TMEM64: variants seen among roughly 807,000 people sequenced by gnomAD.
TMEM64 encodes transmembrane protein 64.
Under a neutral mutation model 24.5 loss-of-function variants are expected in TMEM64, and 19 were observed. The ratio of observed to expected loss-of-function variants is 0.78; its 90% confidence interval spans 0.54 to 1.14. TMEM64 has a LOEUF of 1.14. Among genes scored for constraint, TMEM64 ranks in the 50% most tolerant of loss-of-function variants. The probability of loss-of-function intolerance (pLI) is 0.00; values close to 1 mark genes in which losing one functional copy is unlikely to be tolerated. For missense variants in TMEM64, 487 were observed against 493.0 expected (o/e 0.99, Z 0.12); for synonymous variants, 262 against 224.7 (o/e 1.17, Z -1.49).
At chr8:90,640,512 A>T (rs78124569) in intron 1 of TMEM64, among the ~76,000 whole-genome samples, 1,693 of 152,300 alleles carry the variant, frequency 0.011, 40 homozygotes, top group African/African-American at 0.039. Context: ...TTTACAAATA[A>T]GGAAAACTGA....
chr8:90,636,332 T>C (rs1378310588), intron 1 of TMEM64, among the ~76,000 whole-genome samples: 1 of 152,216 alleles, frequency 6.6e-6, no homozygotes, highest in Non-Finnish European at 1.5e-5. Context: ...CTCGGCTCAC[T>C]GCAACCTCCG....
In TMEM64 at chr8:90,646,057, C is replaced by T; in HGVS notation, c.-152G>A. ...GGCCCGTAGAAGGGCGCGGAGTCAG[C>T]GGAGGAGCGACGGCCAGGCGGGGAG... On this transcript the variant is annotated 5_prime_UTR_variant, in exon 1 of 3. Coordinates refer to ENST00000458549, the MANE Select transcript of TMEM64 (RefSeq NM_001008495.4). 1 of 266,134 alleles carries T rather than the reference C, an allele frequency of 3.8e-6. No individual in the cohort carries two copies. The allele number at this position is 266,134 out of a possible 1,614,324, so 16.5% of individuals were successfully genotyped here.
Position 90,622,059 on chromosome 8 carries a change from C to G in TMEM64, c.*3612G>C, listed in dbSNP as rs1034084833. The G allele has an allele frequency of 6.6e-6, 1 of 152,174 alleles. No homozygotes were observed. The highest frequency in any genetic ancestry group is 1.5e-5 in the Non-Finnish European group (1 of 68,026). 9.4% of individuals were successfully genotyped at this position (152,174 alleles called of 1,614,324 possible). A position where few individuals can be genotyped will look rare whatever the true frequency, so the allele number is the denominator to read the frequency against. ...GTGATTTGGATACCAATTATCAAGA[C>G]ATTTTACTGATTTCCCTTTAGAATG... On this transcript the variant is annotated 3_prime_UTR_variant, in exon 3 of 3. Coordinates refer to ENST00000458549, the MANE Select transcript of TMEM64 (RefSeq NM_001008495.4).
rs1165877091 is a variant in TMEM64 at position 90,625,708 on chromosome 8, G to A, written c.1106C>T (p.Thr369Ile). ...GATTCCACCTCCAGAAAATGTTAGG[G>A]TCCTCTTGTTGTAGAATGAAGAGCC... ...TSGSSFYNKR[T>I]LTFSGGGINV... Residue 369 changes from threonine (T) to isoleucine (I), a missense_variant, in exon 3 of 3, where the codon ACC (threonine) becomes ATC (isoleucine). Physicochemically the swap from Thr to Ile is moderately conservative, Grantham distance 89 (BLOSUM62 -1). Transcript: ENST00000458549. The A allele has an allele frequency of 7.4e-6, 12 of 1,613,600 alleles. No homozygotes were observed. The Admixed American group carries it at 2.0e-4, about 27-fold the overall frequency.
In TMEM64 at chr8:90,635,129, A is replaced by C. The variant is rs570936782; in HGVS notation, c.796-3422T>G. Among the ~76,000 whole-genome samples the C allele has an allele frequency of 8.5e-5, 13 of 152,312 alleles. No homozygotes were observed. The South Asian group carries it at 2.5e-3, about 29-fold the overall frequency. ...GATTTACACACTGACAAATACACAT[A>C]AACTACCTCAGAAACAGGCAGAATG... On this transcript the variant is annotated intron_variant, in intron 1 of 2. Transcript: ENST00000458549.
In TMEM64 at chr8:90,645,196, AC is replaced by A; in HGVS notation, c.709del (p.Val237Ter). ...SSEKLSAVIR[V>X]VEGGSGLKVV... Reference sequence around the variant, plus strand: ...TTTCAGGCCGCTTCCTCCCTCCACTACGCGAATAACCGCGCTCAGCTTCTCG... The same window carrying A: ...TTTCAGGCCGCTTCCTCCCTCCACTAGCGAATAACCGCGCTCAGCTTCTCG... On this transcript the variant is annotated frameshift_variant, in exon 1 of 3. Transcript: ENST00000458549. LOFTEE classifies it high-confidence loss of function. The surrounding 1 kb of genome is among the most constrained non-coding windows in gnomAD (Gnocchi z 4.2). 6.2e-7 allele frequency: 1 copy of A among 1,614,124 alleles called. No individual in the cohort carries two copies.
Position 90,625,525 on chromosome 8 carries a change from TAA to T in TMEM64, c.*144_*145del, listed in dbSNP as rs879893663. 4.0e-4 allele frequency: 213 copies of T among 529,088 alleles called. No homozygotes were observed. Among genetic ancestry groups the T allele is most frequent in the Middle Eastern group, 9.8e-4 (2 of 2,036 alleles). The allele number at this position is 529,088 out of a possible 1,614,324, so 32.8% of individuals were successfully genotyped here. A position where few individuals can be genotyped will look rare whatever the true frequency, so the allele number is the denominator to read the frequency against. ...CATACCCAGAAAATGATTCTTGCTT[TAA>T]AAAAAAAAAATTGTGCAATTTAAAA... On this transcript the variant is annotated 3_prime_UTR_variant, in exon 3 of 3. Transcript: ENST00000458549.
chr8:90,637,119 G>A (rs928107594), intron 1 of TMEM64, among the ~76,000 whole-genome samples: 1 of 151,916 alleles, frequency 6.6e-6, no homozygotes, highest in African/African-American at 2.4e-5. Context: ...CATCTGGGAG[G>A]GAAAAAAATG....
chr8:90,638,745 T>C (rs1809559507), intron 1 of TMEM64, among the ~76,000 whole-genome samples: 1 of 152,202 alleles, frequency 6.6e-6, no homozygotes. Flanking sequence ...ATAAACAAGT[T>C]GGAATGCAAT....
chr8:90,645,438 C>T lies in TMEM64; in HGVS notation c.468G>A (p.Ser156=), dbSNP rs766779156. The T allele has an allele frequency of 3.5e-5, 55 of 1,551,576 alleles. No homozygotes were observed. The highest frequency in any genetic ancestry group is 4.6e-5 in the Non-Finnish European group (53 of 1,147,024). Reference sequence around the variant, plus strand: ...CGACGAAGAGCAGGACCCCCAGCAGCGAGTCAAGGCTCTCCACCCACAGCA... The same window carrying T: ...CGACGAAGAGCAGGACCCCCAGCAGTGAGTCAAGGCTCTCCACCCACAGCA... ...HLLLWVESLD[S]LLGVLLFVVG... The change falls in exon 1 of 3, where the codon TCG becomes TCA. Residue 156 remains serine, a synonymous_variant. Transcript: ENST00000458549. This position sits in a 1 kb window ranked among gnomAD's most constrained non-coding sequence, Gnocchi z 4.2.
intron 1 of TMEM64, among the ~76,000 whole-genome samples, chr8:90,637,487 A>G (rs1188820253): frequency 2.0e-5 from 3 of 152,216 alleles, no homozygotes. Flanking sequence ...AATTTTGGCA[A>G]ATTATACCTT....
In TMEM64 at chr8:90,625,298, A is replaced by T. The variant is rs2130492795; in HGVS notation, c.*373T>A. On this transcript the variant is annotated 3_prime_UTR_variant, in exon 3 of 3. Coordinates refer to ENST00000458549, the MANE Select transcript of TMEM64 (RefSeq NM_001008495.4). Reference sequence around the variant, plus strand: ...AATTTAAAACTGCATACTTTTACTCATCTTTACAAGTAGGAAAGATGCATA... The same window carrying T: ...AATTTAAAACTGCATACTTTTACTCTTCTTTACAAGTAGGAAAGATGCATA... 6.2e-6 allele frequency: 1 copy of T among 160,060 alleles called. No homozygotes were observed. Among genetic ancestry groups the T allele is most frequent in the Non-Finnish European group, 1.4e-5 (1 of 73,344 alleles). The allele number at this position is 160,060 out of a possible 1,614,324, so 9.9% of individuals were successfully genotyped here.
chr8:90,644,669 C>T (rs1388995032), intron 1 of TMEM64, among the ~76,000 whole-genome samples: 1 of 152,208 alleles, frequency 6.6e-6, no homozygotes, highest in African/African-American at 2.4e-5. Context: ...AGCTCCTCCA[C>T]TGTTTACTGA....
At chr8:90,635,914 A>G (rs553173970) in intron 1 of TMEM64, among the ~76,000 whole-genome samples, 1 of 152,352 alleles carries the variant, frequency 6.6e-6, no homozygotes, top group Non-Finnish European at 1.5e-5. Flanking sequence ...AATAGAACAC[A>G]TAATTGACAT....
rs76506854 is a variant in TMEM64, at chr8:90,630,144, C to G, written c.951+1408G>C. Among the ~76,000 whole-genome samples the G allele has an allele frequency of 7.4e-3, 1,126 of 152,112 alleles. 10 individuals are homozygous for G. Among genetic ancestry groups the G allele is most frequent in the African/African-American group, 0.026 (1,066 of 41,472 alleles). ...ATCTGTGGGGTATTGGTTCCTGGAG[C>G]CCCCCAGATTTCAAAATCTGTGTAT... is the stretch of plus-strand genomic sequence containing the variant. On this transcript the variant is annotated intron_variant, in intron 2 of 2. Transcript: ENST00000458549.
chr8:90,645,432 C>T lies in TMEM64; in HGVS notation c.474G>A (p.Leu158=), dbSNP rs1809676534. The change falls in exon 1 of 3, where the codon CTG becomes CTA. Residue 158 remains leucine, a synonymous_variant. Transcript: ENST00000458549. This position sits in a 1 kb window ranked among gnomAD's most constrained non-coding sequence, Gnocchi z 4.2. ...AGCCCACGACGAAGAGCAGGACCCCCAGCAGCGAGTCAAGGCTCTCCACCC... is the reference window on the plus strand; with the variant it reads ...AGCCCACGACGAAGAGCAGGACCCCTAGCAGCGAGTCAAGGCTCTCCACCC... ...LLWVESLDSL[L]GVLLFVVGFI... is the part of the protein sequence containing the mutation. 1.3e-6 allele frequency: 2 copies of T among 1,551,530 alleles called. No homozygotes were observed.
intron 1 of TMEM64, among the ~76,000 whole-genome samples, chr8:90,640,776 T>A (rs572352621): frequency 1.3e-5 from 2 of 152,298 alleles, no homozygotes; most frequent in South Asian, 2.1e-4. Flanking sequence ...TATGATGACA[T>A]CTTTCACTAT....
intron 2 of TMEM64, among the ~76,000 whole-genome samples, chr8:90,627,888 C>T (rs181277463): frequency 3.3e-5 from 5 of 151,818 alleles, no homozygotes; most frequent in African/African-American, 4.8e-5. Context: ...AGACTACTAA[C>T]AGGTCAAGCT....
Position 90,631,549 on chromosome 8 carries a change from C to G in TMEM64, c.951+3G>C, listed in dbSNP as rs746006520. ...AAGAGACAACCCTTGGCCTTAAACT[C>G]ACCTGTAAACAAAAAACAAAATATC... On this transcript the variant is annotated splice_donor_region_variant and intron_variant, in intron 2 of 2. Transcript: ENST00000458549. 4.4e-6 allele frequency: 7 copies of G among 1,581,200 alleles called. No individual in the cohort carries two copies. Among genetic ancestry groups the G allele is most frequent in the Non-Finnish European group, 6.1e-6 (7 of 1,156,962 alleles).
Sources: gnomAD v4.1 joint callset for allele counts (sites outside exome capture counted in the v4.1 genomes callset) on GRCh38, gnomAD v4.1.1 for gene constraint, Gnocchi (gnomAD v3.1) non-coding constraint, MANE v1.5 for transcripts, NCBI Gene and HGNC (gene_info 2026-07-23, HGNC 2026-07-21) for gene names.